The following NFIA variants were observed in gnomAD, a reference collection of about 807,000 sequenced individuals.
NFIA encodes the protein nuclear factor I A.
NFIA carries 8 observed loss-of-function variants against 62.8 expected under a neutral mutation model. The ratio of observed to expected loss-of-function variants is 0.13; its 90% CI spans 0.07 to 0.23. The LOEUF (loss-of-function observed/expected upper bound fraction) is 0.23, where lower values mean the gene tolerates loss of function less well. Ranked by LOEUF, NFIA falls within the 10% of genes least tolerant of loss-of-function variation. NFIA has a pLI of 1.00. For synonymous variants in NFIA, 235 were observed against 238.1 expected (o/e 0.99, Z 0.12); for missense variants, 410 against 642.1 (o/e 0.64, Z 3.91).
intron 3 of NFIA, among the ~76,000 whole-genome samples, chr1:61,280,076 A>T (rs575845306): frequency 2.0e-5 from 3 of 152,236 alleles, no homozygotes; most frequent in Non-Finnish European, 4.4e-5. Context: ...CCAGTTGAAG[A>T]ATTATCAGCC....
intron 6 of NFIA, among the ~76,000 whole-genome samples, chr1:61,373,830 C>G (rs887816483): frequency 6.6e-6 from 1 of 150,996 alleles, no homozygotes; most frequent in Non-Finnish European, 1.5e-5. Context: ...ACATGCTGAA[C>G]AATACAAAAT....
At chr1:61,153,230 A>G (rs1350890235) in intron 2 of NFIA, among the ~76,000 whole-genome samples, 4 of 152,236 alleles carry the variant, frequency 2.6e-5, no homozygotes, top group Admixed American at 6.5e-5. Flanking sequence ...CTAGTTTGCC[A>G]TAATCCCCAC....
At chr1:61,291,778 G>A (rs535302933) in intron 3 of NFIA, among the ~76,000 whole-genome samples, 1 of 152,252 alleles carries the variant, frequency 6.6e-6, no homozygotes, top group South Asian at 2.1e-4. Context: ...CCTTACCCCA[G>A]GGAAAGTATA....
intron 2 of NFIA, among the ~76,000 whole-genome samples, chr1:61,198,001 GAAGA>G (rs368458930): frequency 3.9e-5 from 6 of 152,044 alleles, no homozygotes; most frequent in South Asian, 4.2e-4. Flanking sequence ...AAGAGAGAAA[GAAGA>G]AAGAAAGAAA....
intron 2 of NFIA, among the ~76,000 whole-genome samples, chr1:61,207,168 A>G (rs1652952447): frequency 6.6e-6 from 1 of 152,138 alleles, no homozygotes; most frequent in Non-Finnish European, 1.5e-5. Flanking sequence ...AGATGAGAAG[A>G]TTGTCAAAAT....
chr1:61,429,150 A>G (rs1666993470), intron 10 of NFIA, among the ~76,000 whole-genome samples: 1 of 152,236 alleles, frequency 6.6e-6, no homozygotes, highest in South Asian at 2.1e-4. Context: ...CATTATAAGT[A>G]GGCAGCTTCA....
At chr1:61,083,344 A>G (rs1646152953) in intron 1 of NFIA, among the ~76,000 whole-genome samples, 1 of 152,018 alleles carries the variant, frequency 6.6e-6, no homozygotes, top group Non-Finnish European at 1.5e-5. Flanking sequence ...CCTGCGCCCA[A>G]CGGCCCGCTC....
In NFIA at chr1:61,200,028, A is replaced by G. The variant is rs1229950696; in HGVS notation, c.560-77492A>G. On this transcript the variant is annotated intron_variant, in intron 2 of 10. Transcript: ENST00000403491. ...TATATATGTATATATATATATATAT[A>G]TATATATATATATATATATATATAT... Among the ~76,000 whole-genome samples, 73 of 35,202 alleles carry G rather than the reference A, an allele frequency of 2.1e-3. 2 individuals carry two copies. The highest frequency in any genetic ancestry group is 7.6e-3 in the African/African-American group (50 of 6,540). The allele number at this position is 35,202 out of a possible 152,430, so 23.1% of individuals were successfully genotyped here.
intron 9 of NFIA, among the ~76,000 whole-genome samples, chr1:61,422,313 T>C (rs563126340): frequency 6.6e-6 from 1 of 152,306 alleles, no homozygotes; most frequent in East Asian, 1.9e-4. Context: ...TTTAATATCT[T>C]AATATCTTCT....
chr1:61,261,221 G>T (rs1656754143), intron 2 of NFIA, among the ~76,000 whole-genome samples: 2 of 152,168 alleles, frequency 1.3e-5, no homozygotes, highest in African/African-American at 4.8e-5. Context: ...TTGAGGGGTT[G>T]TTAAGCCAAA....
At chr1:61,305,686 CT>C (rs1282626027) in intron 3 of NFIA, among the ~76,000 whole-genome samples, 2 of 152,158 alleles carry the variant, frequency 1.3e-5, no homozygotes, top group Non-Finnish European at 2.9e-5. Flanking sequence ...GTCTTCAGGG[CT>C]TGCCCTCTTG....
intron 2 of NFIA, among the ~76,000 whole-genome samples, chr1:61,122,195 C>G (rs996181932): frequency 2.0e-5 from 3 of 152,042 alleles, no homozygotes; most frequent in African/African-American, 7.3e-5. Flanking sequence ...TGGGAACATA[C>G]TGTATCATAG....
At chr1:61,164,980 C>T (rs568379935) in intron 2 of NFIA, among the ~76,000 whole-genome samples, 10 of 152,184 alleles carry the variant, frequency 6.6e-5, no homozygotes, top group African/African-American at 2.2e-4. Context: ...GGAGGAGGGT[C>T]GGAGAGGCAG....
intron 4 of NFIA, among the ~76,000 whole-genome samples, chr1:61,346,307 C>A (rs9436207): frequency 6.6e-6 from 1 of 152,028 alleles, no homozygotes; most frequent in African/African-American, 2.4e-5. Context: ...TTATAGCACA[C>A]CAGAAGGCAG....
intron 3 of NFIA, among the ~76,000 whole-genome samples, chr1:61,304,203 G>A (rs1204337991): frequency 1.3e-5 from 2 of 152,048 alleles, no homozygotes; most frequent in East Asian, 3.9e-4. Flanking sequence ...TTAAACCTGA[G>A]AGGTGGAGGT....
At chr1:61,095,344 ACT>A (rs1291055361) in intron 2 of NFIA, among the ~76,000 whole-genome samples, 2 of 152,220 alleles carry the variant, frequency 1.3e-5, no homozygotes, top group South Asian at 2.1e-4. Context: ...TTAGTAATGC[ACT>A]CTCTATTTGA....
intron 7 of NFIA, among the ~76,000 whole-genome samples, chr1:61,389,892 T>C (rs1385693765): frequency 6.6e-6 from 1 of 152,190 alleles, no homozygotes; most frequent in African/African-American, 2.4e-5. Flanking sequence ...TTTTCAATAT[T>C]GTATTAGTTT....
At chr1:61,441,386 A>G (rs1460756571) in intron 10 of NFIA, among the ~76,000 whole-genome samples, 1 of 150,520 alleles carries the variant, frequency 6.6e-6, no homozygotes, top group Non-Finnish European at 1.5e-5. Context: ...GCTCCTGGAC[A>G]GCTTTTTTTT....
intron 2 of NFIA, among the ~76,000 whole-genome samples, chr1:61,095,193 C>G (rs1301469283): frequency 6.6e-6 from 1 of 152,054 alleles, no homozygotes; most frequent in African/African-American, 2.4e-5. Flanking sequence ...GGACCTAGAT[C>G]AATTGGGAGT....
Sources: gnomAD v4.1 joint callset for allele counts (sites outside exome capture counted in the v4.1 genomes callset) on GRCh38, gnomAD v4.1.1 for gene constraint, MANE v1.5 for transcripts, NCBI Gene and HGNC (gene_info 2026-07-23, HGNC 2026-07-21) for gene names.